The following SLIT3 variants were observed in gnomAD, a reference collection of about 807,000 sequenced individuals.
The protein encoded by SLIT3 is slit guidance ligand 3.
In SLIT3, 68 loss-of-function variants were observed where a neutral mutation model predicts 184.0. That is an observed-to-expected ratio of 0.37 (90% CI 0.30 to 0.45). The LOEUF (loss-of-function observed/expected upper bound fraction) is 0.45. Ranked by LOEUF, SLIT3 falls within the 20% of genes least tolerant of loss-of-function variation. SLIT3 has a pLI of 1.00. For synonymous variants in SLIT3, 831 were observed against 828.6 expected (o/e 1.00, Z -0.05); for missense variants, 1,707 against 2,026.0 (o/e 0.84, Z 3.02).
chr5:169,107,791 G>T (rs1178629488), intron 4 of SLIT3, among the ~76,000 whole-genome samples: 4 of 152,198 alleles, frequency 2.6e-5, no homozygotes, highest in Non-Finnish European at 5.9e-5. Flanking sequence ...TAAAGGCCTT[G>T]GCCTGTGCTG....
At chr5:168,722,840 C>T in intron 22 of SLIT3, 93 bp downstream of exon 22, 1 of 952,070 alleles carries the variant, frequency 1.1e-6, no homozygotes, top group Non-Finnish European at 1.7e-6. Context: ...GTCATTAGGG[C>T]AGAGAAACTA....
intron 9 of SLIT3, among the ~76,000 whole-genome samples, chr5:168,805,778 GC>G (rs1485060591): frequency 1.3e-5 from 2 of 152,194 alleles, no homozygotes; most frequent in African/African-American, 4.8e-5. Flanking sequence ...GATAATGGTA[GC>G]TAAGAAATGA....
At chr5:169,113,625 T>C (rs1026234321) in intron 4 of SLIT3, among the ~76,000 whole-genome samples, 14 of 151,892 alleles carry the variant, frequency 9.2e-5, no homozygotes, top group East Asian at 5.8e-4. Context: ...ATATAATGTA[T>C]ATCTCATATC....
chr5:169,115,831 G>C (rs955235560), intron 4 of SLIT3, among the ~76,000 whole-genome samples: 1 of 152,208 alleles, frequency 6.6e-6, no homozygotes, highest in Non-Finnish European at 1.5e-5. Context: ...GGTGGGATCC[G>C]ATCCTCACAC....
chr5:168,762,471 G>T, intron 15 of SLIT3, 68 bp downstream of exon 15: 1 of 1,554,138 alleles, frequency 6.4e-7, no homozygotes, highest in Non-Finnish European at 8.8e-7. Context: ...AGGAGACCCT[G>T]CCCACGCTGG....
At chr5:169,101,345 T>G (rs1166924620) in intron 4 of SLIT3, among the ~76,000 whole-genome samples, 1 of 152,196 alleles carries the variant, frequency 6.6e-6, no homozygotes, top group Non-Finnish European at 1.5e-5. Context: ...TTTCAATGCC[T>G]TAGTGCCCTC....
intron 4 of SLIT3, among the ~76,000 whole-genome samples, chr5:168,986,973 G>A (rs1215356840): frequency 6.6e-6 from 1 of 152,174 alleles, no homozygotes; most frequent in African/African-American, 2.4e-5. Context: ...GCTTGAACCC[G>A]GGAGGCAGAG....
chr5:168,767,925 G>A (rs1485746298), intron 14 of SLIT3, among the ~76,000 whole-genome samples: 1 of 152,152 alleles, frequency 6.6e-6, no homozygotes, highest in Non-Finnish European at 1.5e-5. Flanking sequence ...AGATTTGGGG[G>A]AGGGTGACTC....
chr5:168,879,058 A>T lies in SLIT3; in HGVS notation c.485+4207T>A, dbSNP rs952931749. ...AAGGGAAATGTCAGCGCAAGCAAAG[A>T]AAATATACGTCAAAACTACAAAATT... On this transcript the variant is annotated intron_variant, in intron 5 of 35. Coordinates refer to ENST00000519560, the MANE Select transcript of SLIT3 (RefSeq NM_003062.4). Among the ~76,000 whole-genome samples, 130 of 152,232 alleles carry T rather than the reference A, an allele frequency of 8.5e-4. 1 individual carries two copies. The highest frequency in any genetic ancestry group is 3.9e-4 in the Admixed American group (6 of 15,288).
rs559853237 is a variant in SLIT3, at chr5:169,176,574, C to A, written c.413+16905G>T. ...TTAAGAGGAGTGACCTAAATTAATCCCTCCATTTCCATATAAAATATTTGA... is the reference window on the plus strand; with the variant it reads ...TTAAGAGGAGTGACCTAAATTAATCACTCCATTTCCATATAAAATATTTGA... On this transcript the variant is annotated intron_variant, in intron 4 of 35. Coordinates refer to ENST00000519560, the MANE Select transcript of SLIT3 (RefSeq NM_003062.4). 9.9e-5 allele frequency among the ~76,000 whole-genome samples: 15 copies of A among 151,996 alleles called. No homozygotes were observed. The South Asian group carries it at 3.1e-3, about 32-fold the overall frequency.
intron 4 of SLIT3, among the ~76,000 whole-genome samples, chr5:169,147,832 C>T (rs1761977985): frequency 6.6e-6 from 1 of 152,116 alleles, no homozygotes; most frequent in Non-Finnish European, 1.5e-5. Flanking sequence ...GAAGTAAAAC[C>T]CTCCTGATGT....
chr5:169,247,491 G>A (rs1269403176), intron 2 of SLIT3, among the ~76,000 whole-genome samples: 1 of 152,092 alleles, frequency 6.6e-6, no homozygotes, highest in Non-Finnish European at 1.5e-5. Flanking sequence ...GGTTTCTGAG[G>A]GAGCCTAACC....
intron 4 of SLIT3, among the ~76,000 whole-genome samples, chr5:169,097,534 T>C (rs988781321): frequency 6.6e-6 from 1 of 152,244 alleles, no homozygotes; most frequent in African/African-American, 2.4e-5. Context: ...ATTGTATTTA[T>C]CCAATATGCT....
chr5:168,696,618 G>A (rs1039631193), intron 27 of SLIT3, among the ~76,000 whole-genome samples, 187 bp from the exon 28 acceptor site: 2 of 152,126 alleles, frequency 1.3e-5, no homozygotes, highest in Non-Finnish European at 2.9e-5. Context: ...GAACCTAAAA[G>A]GTCATTTCAT....
intron 6 of SLIT3, among the ~76,000 whole-genome samples, chr5:168,842,474 T>TTTTTTTG (rs1758298156): frequency 7.8e-6 from 1 of 127,732 alleles, no homozygotes; most frequent in Non-Finnish European, 1.6e-5. Context: ...TTTTCGTTTT[T>TTTTTTTG]TTTTTTTTTT....
At chr5:169,099,842 C>A (rs1372959868) in intron 4 of SLIT3, among the ~76,000 whole-genome samples, 1 of 152,204 alleles carries the variant, frequency 6.6e-6, no homozygotes, top group Non-Finnish European at 1.5e-5. Flanking sequence ...GGCAATGTTG[C>A]AAGGAAAAGA....
intron 2 of SLIT3, among the ~76,000 whole-genome samples, chr5:169,245,245 G>C (rs941578103): frequency 6.6e-6 from 1 of 151,944 alleles, no homozygotes; most frequent in Non-Finnish European, 1.5e-5. Flanking sequence ...AACCAGCCTG[G>C]TCCCAGGAAC....
At chr5:168,736,355 A>G (rs1015305081) in intron 20 of SLIT3, among the ~76,000 whole-genome samples, 1 of 152,164 alleles carries the variant, frequency 6.6e-6, no homozygotes, top group African/African-American at 2.4e-5. Context: ...GCCAGGACTC[A>G]TAAGTGCTGC....
chr5:168,697,178 C>T (rs1471142974), intron 27 of SLIT3, among the ~76,000 whole-genome samples: 1 of 152,208 alleles, frequency 6.6e-6, no homozygotes, highest in East Asian at 1.9e-4. Flanking sequence ...TACTTCTGAG[C>T]CCCTCCAGCT....
Sources: allele counts gnomAD v4.1 joint callset (sites outside exome capture counted in the v4.1 genomes callset), GRCh38; gene constraint gnomAD v4.1.1; transcripts MANE v1.5; gene names NCBI Gene and HGNC (gene_info 2026-07-23, HGNC 2026-07-21).